Variants in CCDC81 observed in about 807,000 individuals in gnomAD.
The protein encoded by CCDC81 is coiled-coil domain-containing protein 81.
CCDC81 carries 79 observed loss-of-function variants against 83.7 expected under a neutral mutation model. The ratio of observed to expected loss-of-function variants is 0.94; its 90% CI spans 0.79 to 1.14. The LOEUF is 1.14. CCDC81 is among the 50% of genes most tolerant of loss of function. The pLI is 0.00. For missense variants in CCDC81, 791 were observed against 778.1 expected (o/e 1.02, Z -0.20); for synonymous variants, 252 against 278.1 (o/e 0.91, Z 0.93).
At chr11:86,407,079 T>C (rs1031121964) in intron 7 of CCDC81, among the ~76,000 whole-genome samples, 20 of 152,330 alleles carry the variant, frequency 1.3e-4, no homozygotes, top group Non-Finnish European at 2.1e-4. Flanking sequence ...GTCACTTCCT[T>C]GGTAAGAACT....
intron 11 of CCDC81, 154 bp from the exon 12 acceptor site, chr11:86,414,635 T>C: frequency 1.7e-6 from 1 of 602,228 alleles, no homozygotes; most frequent in Non-Finnish European, 2.9e-6. Flanking sequence ...CTCTTTTCTT[T>C]CTTAAAATGA....
intron 13 of CCDC81, 95 bp from the exon 14 acceptor site, chr11:86,419,833 A>G: frequency 7.6e-7 from 1 of 1,318,488 alleles, no homozygotes. Flanking sequence ...CAAAACCAGA[A>G]GGTTTTTTTT....
chr11:86,415,389 T>A, intron 13 of CCDC81, 76 bp downstream of exon 13: 1 of 1,140,176 alleles, frequency 8.8e-7, no homozygotes. Flanking sequence ...TTTTCCACCC[T>A]GTCCCTGCCC....
chr11:86,388,499 C>A (rs1387157341), intron 3 of CCDC81, among the ~76,000 whole-genome samples: 1 of 152,144 alleles, frequency 6.6e-6, no homozygotes, highest in Non-Finnish European at 1.5e-5. Flanking sequence ...CAATCTATCT[C>A]CGATGGCAAC....
intron 1 of CCDC81, among the ~76,000 whole-genome samples, chr11:86,383,933 T>C (rs1948206643): frequency 6.6e-6 from 1 of 152,222 alleles, no homozygotes; most frequent in African/African-American, 2.4e-5. Flanking sequence ...CTTTATGGAA[T>C]AAAACAGTAC....
Position 86,418,529 on chromosome 11 carries a change from ATTCACT to A in CCDC81, c.1692-1396_1692-1391del, listed in dbSNP as rs1450199812. Among the ~76,000 whole-genome samples, 13 of 152,346 alleles carry A rather than the reference ATTCACT, an allele frequency of 8.5e-5. No individual in the cohort carries two copies. In the South Asian group the frequency reaches 2.5e-3, roughly 29 times the overall value. ...ATATACACTGTACAATGGAATTGTTATTCACTTTTAAAAAGGAAGAAAGTTCTAACA... is the reference window on the plus strand; with the variant it reads ...ATATACACTGTACAATGGAATTGTTATTTAAAAAGGAAGAAAGTTCTAACA... On this transcript the variant is annotated intron_variant, in intron 13 of 14. Coordinates refer to ENST00000445632, the MANE Select transcript of CCDC81 (RefSeq NM_001156474.2).
chr11:86,420,525 A>G (rs1247309769), intron 14 of CCDC81, among the ~76,000 whole-genome samples: 1 of 152,218 alleles, frequency 6.6e-6, no homozygotes, highest in Non-Finnish European at 1.5e-5. Flanking sequence ...TCCTCAGCTT[A>G]AATATTCACA....
intron 9 of CCDC81, among the ~76,000 whole-genome samples, chr11:86,408,767 T>C (rs1034976997): frequency 6.6e-5 from 10 of 152,252 alleles, no homozygotes; most frequent in Non-Finnish European, 1.5e-5. Flanking sequence ...CTGGGATGAA[T>C]TCCATGCAGT....
chr11:86,404,435 C>G (rs74566937), intron 7 of CCDC81, among the ~76,000 whole-genome samples: 9 of 152,304 alleles, frequency 5.9e-5, no homozygotes, highest in African/African-American at 2.2e-4. Context: ...AACATTCACT[C>G]TCTGGCTGTT....
intron 7 of CCDC81, among the ~76,000 whole-genome samples, chr11:86,405,546 T>TG (rs1328948536): frequency 2.6e-5 from 4 of 152,220 alleles, no homozygotes; most frequent in Non-Finnish European, 4.4e-5. Flanking sequence ...CCTTTTCTGT[T>TG]GGACTGATCT....
rs1021230729 is a variant in CCDC81, at chr11:86,415,572, T to C, written c.1691+259T>C. On this transcript the variant is annotated intron_variant, in intron 13 of 14. Transcript: ENST00000445632. ...TTTTTAAAAACCTCTCTTGACACTT[T>C]AGTGTTTTCCAAAGTGGCTGTACTA... is the stretch of plus-strand genomic sequence containing the variant. Among the ~76,000 whole-genome samples, 10 of 152,348 alleles carry C rather than the reference T, an allele frequency of 6.6e-5. No homozygotes were observed. The South Asian group carries it at 1.9e-3, about 28-fold the overall frequency.
At chr11:86,386,166 G>T in intron 2 of CCDC81, 54 bp downstream of exon 2, 3 of 640,150 alleles carry the variant, frequency 4.7e-6, no homozygotes, top group South Asian at 4.7e-5. Context: ...TAATTTTAAT[G>T]TAGGCATCTA....
intron 1 of CCDC81, among the ~76,000 whole-genome samples, chr11:86,382,548 C>G (rs1043110878): frequency 6.6e-6 from 1 of 151,964 alleles, no homozygotes. Flanking sequence ...AGTTGAAGGG[C>G]CTTTTTGTGA....
rs193007480 is a variant in CCDC81 at position 86,379,309 on chromosome 11, G to C, written c.79+4067G>C. Among the ~76,000 whole-genome samples, 309 of 152,144 alleles carry C rather than the reference G, an allele frequency of 2.0e-3. 3 individuals are homozygous for C. The highest frequency in any genetic ancestry group is 3.7e-3 in the Admixed American group (56 of 15,284). ...GGTGGGGTTTCACCATGTTAGCCAG[G>C]ATGGTCTTGATCTCCTGACCTTGTG... On this transcript the variant is annotated intron_variant, in intron 1 of 14. Transcript: ENST00000445632.
intron 4 of CCDC81, among the ~76,000 whole-genome samples, chr11:86,393,023 G>A (rs1048999942): frequency 5.3e-5 from 8 of 152,152 alleles, no homozygotes; most frequent in Non-Finnish European, 1.2e-4. Context: ...AATAGTAACG[G>A]AAACTCTTAG....
chr11:86,421,575 G>C (rs527470693), intron 14 of CCDC81, among the ~76,000 whole-genome samples: 1 of 152,342 alleles, frequency 6.6e-6, no homozygotes, highest in South Asian at 2.1e-4. Context: ...CTCCCAAAGT[G>C]CTGGGATTAC....
At chr11:86,384,585 C>T (rs1948217059) in intron 1 of CCDC81, among the ~76,000 whole-genome samples, 1 of 152,146 alleles carries the variant, frequency 6.6e-6, no homozygotes, top group African/African-American at 2.4e-5. Context: ...TAAAAGATTG[C>T]ACTCTCCGTG....
rs529796730 is a variant in CCDC81, at chr11:86,379,634, A to G, written c.79+4392A>G. 2.6e-5 allele frequency among the ~76,000 whole-genome samples: 4 copies of G among 152,314 alleles called. No individual in the cohort carries two copies. In the East Asian group the frequency reaches 5.8e-4, roughly 22 times the overall value. On this transcript the variant is annotated intron_variant, in intron 1 of 14. Transcript: ENST00000445632. Reference sequence around the variant, plus strand: ...TATGCATAAGCATACATAATTGAATACATTATTGCTATTACTAGACAAACT... The same window carrying G: ...TATGCATAAGCATACATAATTGAATGCATTATTGCTATTACTAGACAAACT...
chr11:86,385,069 C>A (rs957696145), intron 1 of CCDC81, among the ~76,000 whole-genome samples: 10 of 152,216 alleles, frequency 6.6e-5, no homozygotes, highest in African/African-American at 2.2e-4. Flanking sequence ...GCTCCTTGTC[C>A]TACTCAAATG....
Sources: allele counts gnomAD v4.1 joint callset (sites outside exome capture counted in the v4.1 genomes callset), GRCh38; gene constraint gnomAD v4.1.1; transcripts MANE v1.5; gene names NCBI Gene and HGNC (gene_info 2026-07-23, HGNC 2026-07-21).